Variants in MAPKAP1 observed in about 807,000 individuals in gnomAD.
MAPKAP1 encodes MAPK associated protein 1.
In MAPKAP1, 20 loss-of-function variants were observed where a neutral mutation model predicts 65.7. The observed-to-expected ratio is 0.30, with a 90% CI of 0.21 to 0.44. The LOEUF is 0.44. Among genes scored for constraint, MAPKAP1 ranks in the 20% least tolerant of loss-of-function variants. The pLI is 1.00. For missense variants in MAPKAP1, 423 were observed against 648.0 expected (o/e 0.65, Z 3.77); for synonymous variants, 222 against 244.3 (o/e 0.91, Z 0.85).
At chr9:125,529,807 G>A (rs778301222) in intron 7 of MAPKAP1, among the ~76,000 whole-genome samples, 10 of 152,152 alleles carry the variant, frequency 6.6e-5, no homozygotes, top group Non-Finnish European at 1.3e-4. Context: ...TCTGCCTTAC[G>A]GTGCTAATCC....
At chr9:125,577,018 C>G (rs1211971728) in intron 5 of MAPKAP1, among the ~76,000 whole-genome samples, 2 of 151,672 alleles carry the variant, frequency 1.3e-5, no homozygotes, top group Non-Finnish European at 1.5e-5. Context: ...CCTGGCTGCC[C>G]AGTCTGGAAA....
intron 1 of MAPKAP1, among the ~76,000 whole-genome samples, chr9:125,704,401 T>A (rs2131889390): frequency 6.6e-6 from 1 of 152,298 alleles, no homozygotes; most frequent in African/African-American, 2.4e-5. Context: ...AGTGTTTCCT[T>A]CTCAGTGTTC....
intron 4 of MAPKAP1, among the ~76,000 whole-genome samples, chr9:125,617,223 G>T (rs562337748): frequency 3.9e-5 from 6 of 152,238 alleles, no homozygotes; most frequent in Non-Finnish European, 8.8e-5. Context: ...AACTTGAGAG[G>T]ATGAGACAGA....
At chr9:125,580,154 A>C (rs1831573480) in intron 5 of MAPKAP1, among the ~76,000 whole-genome samples, 1 of 152,214 alleles carries the variant, frequency 6.6e-6, no homozygotes, top group Non-Finnish European at 1.5e-5. Flanking sequence ...TAGAACTAGA[A>C]ATACCATTTG....
At chr9:125,579,428 A>G (rs895548149) in intron 5 of MAPKAP1, among the ~76,000 whole-genome samples, 4 of 152,046 alleles carry the variant, frequency 2.6e-5, no homozygotes, top group African/African-American at 7.2e-5. Context: ...AGTAGCTGGG[A>G]TTATAGGTGC....
chr9:125,616,590 C>T lies in MAPKAP1; in HGVS notation c.499-30863G>A, dbSNP rs575131387. On this transcript the variant is annotated intron_variant, in intron 4 of 11. Coordinates refer to ENST00000265960, the MANE Select transcript of MAPKAP1 (RefSeq NM_001006617.3). ...GAAACATGAATAACCAATAAACACA[C>T]AAAAAGATGTTCAATTTCAATTATA... 1.5e-4 allele frequency among the ~76,000 whole-genome samples: 23 copies of T among 152,078 alleles called. No homozygotes were observed. The South Asian group carries it at 4.8e-3, about 32-fold the overall frequency.
intron 5 of MAPKAP1, among the ~76,000 whole-genome samples, chr9:125,580,591 G>A (rs944532195): frequency 4.0e-5 from 6 of 151,554 alleles, no homozygotes; most frequent in South Asian, 2.1e-4. Flanking sequence ...TGTAAATGAC[G>A]AGTTAATGGG....
At chr9:125,476,937 G>A (rs903250209) in intron 9 of MAPKAP1, among the ~76,000 whole-genome samples, 4 of 152,142 alleles carry the variant, frequency 2.6e-5, no homozygotes, top group Admixed American at 6.5e-5. Flanking sequence ...ATAATGCTCT[G>A]GGCAGCCGTT....
intron 1 of MAPKAP1, among the ~76,000 whole-genome samples, chr9:125,698,284 TATA>T (rs1835455978): frequency 3.9e-5 from 1 of 25,906 alleles, no homozygotes; most frequent in Non-Finnish European, 5.8e-5. Context: ...ACATAATATA[TATA>T]AATATATATA....
At chr9:125,569,671 G>C (rs1483416034) in intron 5 of MAPKAP1, among the ~76,000 whole-genome samples, 1 of 152,194 alleles carries the variant, frequency 6.6e-6, no homozygotes, top group Non-Finnish European at 1.5e-5. Flanking sequence ...AGGCACCAGA[G>C]ACCCCTTTCC....
At chr9:125,518,466 C>G (rs1274631755) in intron 7 of MAPKAP1, among the ~76,000 whole-genome samples, 3 of 151,766 alleles carry the variant, frequency 2.0e-5, no homozygotes, top group Non-Finnish European at 4.4e-5. Flanking sequence ...GACTTGAGAG[C>G]GGGAGCTCGA....
intron 1 of MAPKAP1, among the ~76,000 whole-genome samples, chr9:125,676,564 A>G (rs1347018390): frequency 6.6e-6 from 1 of 152,226 alleles, no homozygotes; most frequent in Admixed American, 6.5e-5. Flanking sequence ...AGGTACCTAA[A>G]GCAGTCAAAC....
intron 7 of MAPKAP1, among the ~76,000 whole-genome samples, chr9:125,512,057 T>C (rs1239481710): frequency 7.9e-5 from 12 of 152,210 alleles, no homozygotes; most frequent in Non-Finnish European, 2.9e-5. Flanking sequence ...TCTCAGCACA[T>C]AAGTTTCAAA....
chr9:125,663,388 C>T (rs945519428), intron 3 of MAPKAP1, among the ~76,000 whole-genome samples: 2 of 152,188 alleles, frequency 1.3e-5, no homozygotes, highest in Non-Finnish European at 2.9e-5. Flanking sequence ...GATCTCTACT[C>T]AAACAGTACC....
intron 4 of MAPKAP1, among the ~76,000 whole-genome samples, chr9:125,600,237 G>A (rs937347218): frequency 3.4e-5 from 5 of 148,496 alleles, no homozygotes; most frequent in African/African-American, 1.2e-4. Flanking sequence ...AAAAAGGCCA[G>A]TCCACTCCGT....
chr9:125,657,056 A>G (rs1399835893), intron 4 of MAPKAP1, among the ~76,000 whole-genome samples: 3 of 152,206 alleles, frequency 2.0e-5, no homozygotes, highest in African/African-American at 7.2e-5. Flanking sequence ...GAATTCTGAA[A>G]TAAAGCTCAG....
intron 5 of MAPKAP1, among the ~76,000 whole-genome samples, chr9:125,578,619 A>T (rs1029841564): frequency 6.6e-6 from 1 of 152,216 alleles, no homozygotes; most frequent in African/African-American, 2.4e-5. Flanking sequence ...TGATGAAGCA[A>T]AGAAACAGGC....
At chr9:125,662,974 C>T (rs530701807) in intron 3 of MAPKAP1, among the ~76,000 whole-genome samples, 1 of 152,174 alleles carries the variant, frequency 6.6e-6, no homozygotes, top group Admixed American at 6.5e-5. Flanking sequence ...CAGCCATGTA[C>T]TGTTCATTGT....
intron 1 of MAPKAP1, among the ~76,000 whole-genome samples, chr9:125,674,777 G>A (rs1490199491): frequency 2.6e-5 from 4 of 152,074 alleles, no homozygotes; most frequent in Non-Finnish European, 5.9e-5. Context: ...TATTCCTTGA[G>A]TACTTATTTT....
Sources: allele counts gnomAD v4.1 joint callset (sites outside exome capture counted in the v4.1 genomes callset), GRCh38; gene constraint gnomAD v4.1.1; transcripts MANE v1.5; gene names NCBI Gene and HGNC (gene_info 2026-07-23, HGNC 2026-07-21).